The following C8orf34 variants were observed in gnomAD, a reference collection of about 807,000 sequenced individuals.
C8orf34 encodes uncharacterized protein C8orf34.
A neutral mutation model predicts 68.3 loss-of-function variants in C8orf34; 65 were observed. That is an observed-to-expected ratio of 0.95 (90% confidence interval 0.78 to 1.17). The LOEUF (loss-of-function observed/expected upper bound fraction) is 1.17, where lower values mean the gene tolerates loss of function less well. Among genes scored for constraint, C8orf34 ranks in the 50% most tolerant of loss-of-function variants. C8orf34 has a pLI of 0.00. For synonymous variants in C8orf34, 244 were observed against 241.2 expected (o/e 1.01, Z -0.11); for missense variants, 664 against 655.4 (o/e 1.01, Z -0.14).
chr8:68,723,138 G>GT (rs1461379442), intron 10 of C8orf34, among the ~76,000 whole-genome samples: 2 of 152,046 alleles, frequency 1.3e-5, no homozygotes, highest in African/African-American at 4.8e-5. Flanking sequence ...GTGCTTGTCT[G>GT]TTTCTTGTAG....
intron 13 of C8orf34, 46 bp downstream of exon 13, chr8:68,815,991 G>A (rs1824801474): frequency 6.2e-7 from 1 of 1,613,128 alleles, no homozygotes; most frequent in Admixed American, 1.7e-5. Context: ...GTAATGGCGG[G>A]TACCTTCTAA....
chr8:68,654,931 A>G (rs1444326362), intron 8 of C8orf34, among the ~76,000 whole-genome samples: 1 of 152,164 alleles, frequency 6.6e-6, no homozygotes, highest in African/African-American at 2.4e-5. Context: ...TACACTTTTG[A>G]AAGATAATGG....
At chr8:68,617,333 G>A (rs552114333) in intron 7 of C8orf34, among the ~76,000 whole-genome samples, 19 of 152,270 alleles carry the variant, frequency 1.2e-4, no homozygotes, top group African/African-American at 4.6e-4. Context: ...TCATTATGAT[G>A]TTAGCTGTTA....
At chr8:68,817,299 A>T (rs984381833) in intron 13 of C8orf34, among the ~76,000 whole-genome samples, 2 of 152,190 alleles carry the variant, frequency 1.3e-5, no homozygotes, top group Non-Finnish European at 2.9e-5. Flanking sequence ...GTCAAGAGAA[A>T]GTAATGTCTA....
chr8:68,344,950 A>G (rs1328276487), intron 1 of C8orf34, among the ~76,000 whole-genome samples: 1 of 152,094 alleles, frequency 6.6e-6, no homozygotes, highest in Non-Finnish European at 1.5e-5. Context: ...CCAAATAATT[A>G]GAAACATAAT....
intron 1 of C8orf34, among the ~76,000 whole-genome samples, chr8:68,385,636 A>G (rs570789913): frequency 6.6e-6 from 1 of 152,372 alleles, no homozygotes; most frequent in East Asian, 1.9e-4. Context: ...AGATCCATGT[A>G]GGAAACATAG....
intron 11 of C8orf34, among the ~76,000 whole-genome samples, chr8:68,782,253 C>T (rs967491149): frequency 6.6e-6 from 1 of 152,032 alleles, no homozygotes; most frequent in Non-Finnish European, 1.5e-5. Flanking sequence ...AATTTTACTT[C>T]TGTTATCTTC....
chr8:68,494,882 CA>C (rs1813460524), intron 5 of C8orf34, among the ~76,000 whole-genome samples: 2 of 150,236 alleles, frequency 1.3e-5, no homozygotes, highest in Non-Finnish European at 3.0e-5. Flanking sequence ...ATATATATCT[CA>C]AAAAATATAT....
chr8:68,621,107 A>T (rs1040482500), intron 7 of C8orf34, among the ~76,000 whole-genome samples: 7 of 152,156 alleles, frequency 4.6e-5, no homozygotes, highest in Admixed American at 6.6e-5. Context: ...GTTCTAGGAG[A>T]TGTACCCCAG....
intron 1 of C8orf34, among the ~76,000 whole-genome samples, chr8:68,386,817 G>GGCCA (rs1808281789): frequency 6.6e-6 from 1 of 151,898 alleles, no homozygotes; most frequent in Admixed American, 6.6e-5. Context: ...AGCTGTCCTG[G>GGCCA]GCACTGTAGG....
intron 12 of C8orf34, among the ~76,000 whole-genome samples, chr8:68,802,109 A>AT (rs1011850475): frequency 7.9e-5 from 12 of 151,544 alleles, no homozygotes; most frequent in African/African-American, 1.5e-4. Context: ...TTTATTTTTT[A>AT]TTTTTTTTGA....
At chr8:68,717,492 CAAA>C (rs10555331) in intron 9 of C8orf34, among the ~76,000 whole-genome samples, 15 of 114,958 alleles carry the variant, frequency 1.3e-4, no homozygotes, top group African/African-American at 3.6e-4. Context: ...GACTCTGTCT[CAAA>C]AAAAAAAAAA....
At position 68,341,048 on chromosome 8, in the gene C8orf34, A is replaced by G. The variant is rs1806048930; in HGVS notation, c.327+9709A>G. Among the ~76,000 whole-genome samples the G allele has an allele frequency of 2.0e-5, 3 of 152,344 alleles. No homozygotes were observed. The South Asian group carries it at 6.2e-4, about 32-fold the overall frequency. On this transcript the variant is annotated intron_variant, in intron 1 of 13. Transcript: ENST00000518698. ...TGTCTTTGTACCTTCCAGCTGCTAT[A>G]ATGAAAATACCATAAATTAGATGAC... is the stretch of plus-strand genomic sequence containing the variant.
chr8:68,358,366 G>A (rs1238504579), intron 1 of C8orf34, among the ~76,000 whole-genome samples: 1 of 151,882 alleles, frequency 6.6e-6, no homozygotes, highest in Non-Finnish European at 1.5e-5. Flanking sequence ...TTCTTCTCTT[G>A]AAAGTTTTCC....
At chr8:68,331,491 C>A in intron 1 of C8orf34, 152 bp downstream of exon 1, 2 of 855,350 alleles carry the variant, frequency 2.3e-6, no homozygotes, top group Non-Finnish European at 3.7e-6. Context: ...CTGGCATTCG[C>A]TCTGTCCCGG....
intron 7 of C8orf34, among the ~76,000 whole-genome samples, chr8:68,540,248 T>C (rs7840734): frequency 0.11 from 16,317 of 151,246 alleles, 1,331 homozygotes; most frequent in African/African-American, 0.22. Flanking sequence ...TATTTTACTT[T>C]TCAATTTTTT....
chr8:68,667,176 T>A (rs1443317191), intron 8 of C8orf34, among the ~76,000 whole-genome samples: 2 of 152,198 alleles, frequency 1.3e-5, no homozygotes, highest in Non-Finnish European at 2.9e-5. Context: ...AACAATGAAG[T>A]CAAAGAGTTT....
At chr8:68,602,195 C>T (rs529252696) in intron 7 of C8orf34, among the ~76,000 whole-genome samples, 16 of 152,208 alleles carry the variant, frequency 1.1e-4, no homozygotes, top group African/African-American at 3.9e-4. Context: ...GGAGTGCCAA[C>T]TAATCCCACC....
At chr8:68,658,312 T>C (rs544041116) in intron 8 of C8orf34, among the ~76,000 whole-genome samples, 1 of 138,876 alleles carries the variant, frequency 7.2e-6, no homozygotes, top group East Asian at 2.8e-4. Flanking sequence ...CTTTGAATAA[T>C]GACTGAGCTA....
Sources: gnomAD v4.1 joint callset for allele counts (sites outside exome capture counted in the v4.1 genomes callset) on GRCh38, gnomAD v4.1.1 for gene constraint, MANE v1.5 for transcripts, NCBI Gene and HGNC (gene_info 2026-07-23, HGNC 2026-07-21) for gene names.